Variants in TEX29 observed in about 807,000 individuals in gnomAD.
TEX29 encodes the protein testis expressed 29, also known as testis-expressed protein 29.
TEX29 carries 26 observed loss-of-function variants against 18.2 expected under a neutral mutation model. The ratio of observed to expected loss-of-function variants is 1.43; its 90% CI spans 1.04 to 1.98. TEX29 has a LOEUF of 1.98. Among genes scored for constraint, TEX29 ranks in the 30% most tolerant of loss-of-function variants. TEX29 has a pLI of 0.00. For synonymous variants in TEX29, 83 were observed against 78.5 expected (o/e 1.06, Z -0.31); for missense variants, 177 against 194.2 (o/e 0.91, Z 0.53).
chr13:111,325,677 C>T (rs933337141), intron 2 of TEX29, among the ~76,000 whole-genome samples: 9 of 151,774 alleles, frequency 5.9e-5, no homozygotes, highest in South Asian at 2.1e-4. Flanking sequence ...TGTGGAGGTG[C>T]GTGCAGGAAA....
intron 2 of TEX29, among the ~76,000 whole-genome samples, chr13:111,327,002 G>A (rs2093675093): frequency 6.6e-6 from 1 of 152,116 alleles, no homozygotes; most frequent in South Asian, 2.1e-4. Flanking sequence ...ACCCACCCCA[G>A]GCCCCTCTGA....
Position 111,338,584 on chromosome 13 carries a change from C to T in TEX29, c.170-1279C>T, listed in dbSNP as rs114010955. On this transcript the variant is annotated intron_variant, in intron 3 of 5. Coordinates refer to ENST00000283547, the MANE Select transcript of TEX29 (RefSeq NM_152324.3). ...ATCTGATGGTGTTGTTACTGCTTCA[C>T]GACTTGGAAGCAGTTTAGCAGGAGG... Among the ~76,000 whole-genome samples the T allele has an allele frequency of 5.3e-3, 809 of 152,210 alleles. 7 individuals carry two copies. The highest frequency in any genetic ancestry group is 0.042 in the South Asian group (200 of 4,812).
At chr13:111,321,054 C>A (rs2093663719) in intron 2 of TEX29, 106 bp downstream of exon 2, 1 of 1,298,688 alleles carries the variant, frequency 7.7e-7, no homozygotes. Context: ...GGTCCTGGTC[C>A]CAGACCTGGC....
At chr13:111,326,537 G>A (rs2093673878) in intron 2 of TEX29, among the ~76,000 whole-genome samples, 1 of 144,344 alleles carries the variant, frequency 6.9e-6, no homozygotes, top group Non-Finnish European at 1.5e-5. Context: ...TGTCTGGTGG[G>A]GTGGAGACTG....
At chr13:111,324,403 C>T (rs1239625731) in intron 2 of TEX29, among the ~76,000 whole-genome samples, 5 of 152,328 alleles carry the variant, frequency 3.3e-5, no homozygotes, top group African/African-American at 1.2e-4. Context: ...CTGGAAGCCT[C>T]CACGGTGCTG....
chr13:111,320,988 G>GGGGGGGGGCC, intron 2 of TEX29, 40 bp downstream of exon 2: 1 of 431,436 alleles, frequency 2.3e-6, no homozygotes, highest in East Asian at 6.6e-5. Context: ...TGGGGTGGGG[G>GGGGGGGGGCC]AGCAGTTGGG....
intron 3 of TEX29, among the ~76,000 whole-genome samples, chr13:111,335,526 T>C (rs919109706): frequency 4.6e-5 from 7 of 152,230 alleles, no homozygotes; most frequent in South Asian, 2.1e-4. Flanking sequence ...TTGTGTGAAA[T>C]TGAGGTTTGC....
chr13:111,323,584 C>T (rs965510054), intron 2 of TEX29, among the ~76,000 whole-genome samples: 17 of 152,250 alleles, frequency 1.1e-4, no homozygotes, highest in Non-Finnish European at 2.4e-4. Context: ...TTCTTCTCCA[C>T]AGGCTCGGGG....
rs555694016 is a variant in TEX29, at chr13:111,339,874, G to A, written c.181G>A (p.Val61Met). The change falls in exon 4 of 6, where the codon GTG becomes ATG. Residue 61 changes from valine to methionine, a missense_variant. Physicochemically the swap from Val to Met is conservative, Grantham distance 21. Coordinates refer to ENST00000283547, the MANE Select transcript of TEX29 (RefSeq NM_152324.3). ...YKKAVPIYIHVFSALIVIIAG... is the reference protein window; with the variant it reads ...YKKAVPIYIHMFSALIVIIAG... The stretch of plus-strand genomic sequence containing the variant: ...CCACCATTTTTCAGTTTACATCCAC[G>A]TGTTCTCTGCCTTGATTGTGATCAT... 258 of 1,613,092 alleles carry A rather than the reference G, an allele frequency of 1.6e-4. 1 individual carries two copies. In the South Asian group the frequency reaches 1.8e-3, roughly 11 times the overall value.
intron 3 of TEX29, among the ~76,000 whole-genome samples, chr13:111,331,014 G>C (rs1019497672): frequency 5.9e-5 from 9 of 152,154 alleles, no homozygotes; most frequent in Non-Finnish European, 1.2e-4. Context: ...CAGAACATTT[G>C]TATATAGGTT....
upstream of TEX29, among the ~76,000 whole-genome samples, chr13:111,317,868 C>T (rs1279988770): frequency 6.6e-6 from 1 of 152,212 alleles, no homozygotes; most frequent in Non-Finnish European, 1.5e-5. Context: ...TCCGTCCCCT[C>T]CCCGGGCCTC....
At chr13:111,316,278 T>G (rs2093654631), upstream of TEX29, 1 of 489,118 alleles carries the variant, frequency 2.0e-6, no homozygotes, top group Non-Finnish European at 4.1e-6. Context: ...GTTGGATGAA[T>G]AAAGGAAATT....
At chr13:111,318,414 T>C (rs1161276631), upstream of TEX29, among the ~76,000 whole-genome samples, 2 of 152,202 alleles carry the variant, frequency 1.3e-5, no homozygotes, top group Non-Finnish European at 2.9e-5. Flanking sequence ...AGGACCCATA[T>C]AGACAGAGCT....
At chr13:111,326,581 G>GTGCAGCTGCT (rs2093674031) in intron 2 of TEX29, among the ~76,000 whole-genome samples, 1 of 146,000 alleles carries the variant, frequency 6.8e-6, no homozygotes, top group East Asian at 2.1e-4. Flanking sequence ...GCGGGTGTCT[G>GTGCAGCTGCT]GTCGGGTGGA....
intron 4 of TEX29, 61 bp downstream of exon 4, chr13:111,339,993 C>A (rs1394636110): frequency 6.6e-7 from 1 of 1,516,398 alleles, no homozygotes; most frequent in Non-Finnish European, 9.2e-7. Context: ...CTCCTGGCCG[C>A]AGCTTCCTGC....
upstream of TEX29, among the ~76,000 whole-genome samples, chr13:111,317,351 A>T (rs941405876): frequency 1.3e-5 from 2 of 152,026 alleles, no homozygotes; most frequent in African/African-American, 4.8e-5. Flanking sequence ...TGTAAATGGA[A>T]TCAGCTGTCT....
At chr13:111,318,763 C>T (rs111379837), upstream of TEX29, among the ~76,000 whole-genome samples, 571 of 152,306 alleles carry the variant, frequency 3.7e-3, 6 homozygotes, top group South Asian at 0.017. Flanking sequence ...CTGGTGGGAA[C>T]GTGAAATGGT....
Position 111,342,895 on chromosome 13 carries a change from G to C in TEX29, c.379G>C (p.Gly127Arg). ...TGCGAGTCCTGGGCCTCCAAGTGCT[G>C]GGCCCTCGATGAAGAGTGACGAGGA... is the stretch of plus-strand genomic sequence containing the variant. ...KPASPGPPSA[G>R]PSMKSDEDKD... The change falls in exon 5 of 6, where the codon GGG (glycine) becomes CGG (arginine). Residue 127 changes from glycine to arginine, a missense_variant. Gly to Arg is a moderately radical substitution (Grantham distance 125, BLOSUM62 -2). Transcript: ENST00000283547. 2 of 1,614,182 alleles carry C rather than the reference G, an allele frequency of 1.2e-6. No homozygotes were observed. Among genetic ancestry groups the C allele is most frequent in the South Asian group, 2.2e-5 (2 of 91,082 alleles).
At chr13:111,333,739 A>AAC (rs1567162522) in intron 3 of TEX29, among the ~76,000 whole-genome samples, 6 of 152,268 alleles carry the variant, frequency 3.9e-5, no homozygotes, top group East Asian at 1.9e-4. Context: ...CCAGAAGGCA[A>AAC]AGGTGAAGCA....
Sources: allele counts gnomAD v4.1 joint callset (sites outside exome capture counted in the v4.1 genomes callset), GRCh38; gene constraint gnomAD v4.1.1; transcripts MANE v1.5; gene names NCBI Gene and HGNC (gene_info 2026-07-23, HGNC 2026-07-21).